Variants in MYO1D observed in about 807,000 individuals in gnomAD.
MYO1D encodes the protein myosin ID.
Under a neutral mutation model 122.0 loss-of-function variants are expected in MYO1D, and 83 were observed. The observed-to-expected ratio is 0.68, with a 90% CI of 0.57 to 0.82. The LOEUF is 0.82. MYO1D is among the 40% of genes least tolerant of loss of function. The pLI, the probability that MYO1D is intolerant of heterozygous loss-of-function variation, is 0.00. For missense variants in MYO1D, 1,157 were observed against 1,269.5 expected, an observed-to-expected ratio of 0.91 and a Z score of 1.35; for synonymous variants, 464 against 446.9, an observed-to-expected ratio of 1.04 and a Z score of -0.48.
At chr17:32,579,872 C>T (rs2087314221) in intron 21 of MYO1D, among the ~76,000 whole-genome samples, 3 of 152,200 alleles carry the variant, frequency 2.0e-5, no homozygotes, top group Admixed American at 1.3e-4. Flanking sequence ...TAACAGTTTG[C>T]TTATCCATCT....
chr17:32,686,198 G>A (rs1274902010), intron 16 of MYO1D: 2 of 152,114 alleles, frequency 1.3e-5, no homozygotes, highest in Non-Finnish European at 2.9e-5. Flanking sequence ...ATTTTGAGAT[G>A]GGCAGATTAT....
intron 21 of MYO1D, among the ~76,000 whole-genome samples, chr17:32,495,267 T>A (rs1302818470): frequency 6.6e-6 from 1 of 152,220 alleles, no homozygotes; most frequent in African/African-American, 2.4e-5. Context: ...ACTCTGACAC[T>A]AATCCATCCT....
intron 21 of MYO1D, among the ~76,000 whole-genome samples, chr17:32,554,298 G>A (rs1372135745): frequency 1.3e-5 from 2 of 152,134 alleles, no homozygotes; most frequent in South Asian, 4.1e-4. Context: ...CTGTGTGGGG[G>A]CAGGAAAGGG....
chr17:32,661,751 G>A (rs1277810898), intron 16 of MYO1D, among the ~76,000 whole-genome samples: 1 of 151,900 alleles, frequency 6.6e-6, no homozygotes, highest in African/African-American at 2.4e-5. Flanking sequence ...TGGAGATTTA[G>A]CTCTCTCACC....
At chr17:32,557,086 G>A (rs1319168071) in intron 21 of MYO1D, among the ~76,000 whole-genome samples, 1 of 151,840 alleles carries the variant, frequency 6.6e-6, no homozygotes, top group African/African-American at 2.4e-5. Flanking sequence ...TCAGTGAAAT[G>A]ATGTGTGCCT....
intron 16 of MYO1D, among the ~76,000 whole-genome samples, chr17:32,667,371 T>C (rs2088651193): frequency 6.6e-6 from 1 of 152,208 alleles, no homozygotes; most frequent in African/African-American, 2.4e-5. Context: ...GCTCATGTTT[T>C]TACCGGACTA....
intron 16 of MYO1D, among the ~76,000 whole-genome samples, chr17:32,711,540 G>T (rs552548722): frequency 6.6e-6 from 1 of 152,184 alleles, no homozygotes; most frequent in South Asian, 2.1e-4. Context: ...CAGCTACTCG[G>T]GAGGCTGAGG....
chr17:32,599,983 G>C (rs1268326614), intron 21 of MYO1D, among the ~76,000 whole-genome samples: 2 of 152,098 alleles, frequency 1.3e-5, no homozygotes, highest in Non-Finnish European at 2.9e-5. Context: ...AATCAGGCTT[G>C]AAAGTTGAAA....
chr17:32,854,581 A>G lies in MYO1D; in HGVS notation c.95+22197T>C, dbSNP rs560546091. Among the ~76,000 whole-genome samples, 24 of 152,362 alleles carry G rather than the reference A, an allele frequency of 1.6e-4. No individual in the cohort carries two copies. In the South Asian group the frequency reaches 5.0e-3, roughly 32 times the overall value. On this transcript the variant is annotated intron_variant, in intron 1 of 21. Coordinates refer to ENST00000318217, the MANE Select transcript of MYO1D (RefSeq NM_015194.3). ...TATACACTTTATGCAGTGGTGACAG[A>G]TTTAATTTTATTTAACAAGCTAACA...
intron 20 of MYO1D, among the ~76,000 whole-genome samples, chr17:32,628,750 T>G (rs1478380924): frequency 6.6e-6 from 1 of 152,134 alleles, no homozygotes; most frequent in African/African-American, 2.4e-5. Flanking sequence ...CAAATACTGA[T>G]GAGGATGGGA....
intron 1 of MYO1D, among the ~76,000 whole-genome samples, chr17:32,817,650 T>C (rs2151054958): frequency 6.6e-6 from 1 of 152,344 alleles, no homozygotes; most frequent in South Asian, 2.1e-4. Context: ...CCTCTTTCTT[T>C]GCTTTTTCTC....
intron 21 of MYO1D, among the ~76,000 whole-genome samples, chr17:32,579,935 A>C (rs2087315223): frequency 6.6e-6 from 1 of 152,196 alleles, no homozygotes; most frequent in South Asian, 2.1e-4. Context: ...ATTACAAATA[A>C]TTTGATGTGA....
chr17:32,861,066 T>C (rs1462810624), intron 1 of MYO1D, among the ~76,000 whole-genome samples: 1 of 149,942 alleles, frequency 6.7e-6, no homozygotes, highest in Non-Finnish European at 1.5e-5. Context: ...TTGGTGTTTA[T>C]TCTTTTTTTT....
intron 1 of MYO1D, among the ~76,000 whole-genome samples, chr17:32,817,354 G>C (rs756178568): frequency 2.0e-4 from 30 of 152,172 alleles, no homozygotes; most frequent in Non-Finnish European, 3.4e-4. Flanking sequence ...ACAACCACCA[G>C]ATTATTTAAT....
intron 16 of MYO1D, among the ~76,000 whole-genome samples, chr17:32,665,076 G>A (rs1224008131): frequency 6.6e-6 from 1 of 152,078 alleles, no homozygotes; most frequent in East Asian, 1.9e-4. Context: ...CCCTCTGCCT[G>A]GAATAATCTG....
At chr17:32,822,557 G>T (rs976735274) in intron 1 of MYO1D, among the ~76,000 whole-genome samples, 74 of 122,040 alleles carry the variant, frequency 6.1e-4, no homozygotes, top group African/African-American at 2.1e-3. Context: ...GGCTCGGGAC[G>T]GGGCCCGGGG....
At chr17:32,809,134 T>TGAA (rs1555544312) in intron 1 of MYO1D, among the ~76,000 whole-genome samples, 1 of 134,566 alleles carries the variant, frequency 7.4e-6, no homozygotes, top group Admixed American at 7.4e-5. Context: ...TTGTTTTTGA[T>TGAA]AAAAAAAAAA....
intron 15 of MYO1D, among the ~76,000 whole-genome samples, chr17:32,716,363 G>C (rs757760098): frequency 7.2e-5 from 11 of 152,008 alleles, no homozygotes; most frequent in Non-Finnish European, 1.5e-4. Context: ...ACTGATTTGT[G>C]GGTTTATCTG....
At chr17:32,872,636 A>G (rs7211534) in intron 1 of MYO1D, among the ~76,000 whole-genome samples, 2,108 of 151,278 alleles carry the variant, frequency 0.014, 43 homozygotes, top group African/African-American at 0.047. Flanking sequence ...CCTAACTCGC[A>G]GTAATCCACA....
Sources: gnomAD v4.1 joint callset for allele counts (sites outside exome capture counted in the v4.1 genomes callset) on GRCh38, gnomAD v4.1.1 for gene constraint, MANE v1.5 for transcripts, NCBI Gene and HGNC (gene_info 2026-07-23, HGNC 2026-07-21) for gene names.